Variants in ASAH2 observed in about 807,000 individuals in gnomAD.
ASAH2 encodes the protein N-acylsphingosine amidohydrolase 2.
ASAH2 carries 58 observed loss-of-function variants against 82.9 expected under a neutral mutation model. The ratio of observed to expected loss-of-function variants is 0.70; its 90% CI spans 0.57 to 0.87. The LOEUF (loss-of-function observed/expected upper bound fraction) is 0.87. Ranked by LOEUF, ASAH2 falls within the 40% of genes least tolerant of loss-of-function variation. The pLI, the probability that ASAH2 is intolerant of heterozygous loss-of-function variation, is 0.00. For missense variants in ASAH2, 779 were observed against 834.0 expected (o/e 0.93, Z 0.81); for synonymous variants, 276 against 289.7 (o/e 0.95, Z 0.48).
chr10:50,231,982 ATAGTTAAGGTCTAAGTGAATTAAGT>A (rs1846031838), intron 7 of ASAH2, among the ~76,000 whole-genome samples: 1 of 152,158 alleles, frequency 6.6e-6, no homozygotes, highest in Non-Finnish European at 1.5e-5. Context: ...TTCAAATAGG[ATAGTTAAGGTCTAAGTGAATTAAGT>A]TACTTTCTCC....
Position 50,204,654 on chromosome 10 carries a change from C to T in ASAH2, c.1625+207G>A, listed in dbSNP as rs1054307824. Among the ~76,000 whole-genome samples the T allele has an allele frequency of 4.6e-5, 7 of 151,674 alleles. No homozygotes were observed. In the East Asian group the frequency reaches 1.4e-3, roughly 29 times the overall value. On this transcript the variant is annotated intron_variant, in intron 14 of 20. Coordinates refer to ENST00000682911, the MANE Select transcript of ASAH2 (RefSeq NM_019893.4). ...AGTTTTTTTTAATTTTCATGTCTGC[C>T]TCAGGTGAGCCATCAATAATAAGCA...
intron 1 of ASAH2, among the ~76,000 whole-genome samples, chr10:50,250,178 A>C (rs1846579228): frequency 6.6e-6 from 1 of 152,166 alleles, no homozygotes; most frequent in African/African-American, 2.4e-5. Flanking sequence ...GATGGGGGAT[A>C]TATTCTTCAA....
intron 12 of ASAH2, 96 bp downstream of exon 12, chr10:50,210,727 T>A: frequency 8.8e-7 from 1 of 1,134,892 alleles, no homozygotes; most frequent in Non-Finnish European, 1.3e-6. Flanking sequence ...AGTTTAAAAA[T>A]TAATAAATGT....
rs1207518647 is a variant in ASAH2, at chr10:50,185,223, G to A, written c.*2092C>T. 1 of 150,768 alleles carries A rather than the reference G, an allele frequency of 6.6e-6. No individual in the cohort carries two copies. The highest frequency in any genetic ancestry group is 1.5e-5 in the Non-Finnish European group (1 of 67,598). The allele number at this position is 150,768 out of a possible 1,614,324, so 9.3% of individuals were successfully genotyped here. A position where few individuals can be genotyped will look rare whatever the true frequency, so the allele number is the denominator to read the frequency against. ...CAACAGATAAGTTCAATTACTTCAT[G>A]ATATTCTTTTATGCACAGGTAAAGA... On this transcript the variant is annotated 3_prime_UTR_variant, in exon 21 of 21. Transcript: ENST00000682911.
At chr10:50,200,959 C>T (rs2133199343) in intron 16 of ASAH2, among the ~76,000 whole-genome samples, 1 of 152,036 alleles carries the variant, frequency 6.6e-6, no homozygotes, top group African/African-American at 2.4e-5. Flanking sequence ...TCACTACGCC[C>T]CCCTATCCTG....
chr10:50,204,028 G>A (rs1845228816), intron 14 of ASAH2, among the ~76,000 whole-genome samples: 1 of 151,944 alleles, frequency 6.6e-6, no homozygotes, highest in African/African-American at 2.4e-5. Flanking sequence ...TACTGTATAA[G>A]TGTAATAAAG....
At chr10:50,234,678 G>A in intron 5 of ASAH2, 126 bp from the exon 6 acceptor site, 1 of 1,340,936 alleles carries the variant, frequency 7.5e-7, no homozygotes, top group South Asian at 1.2e-5. Flanking sequence ...CACATTACGG[G>A]ATAAAAGCTG....
At chr10:50,247,166 T>C (rs1245681919) in intron 2 of ASAH2, among the ~76,000 whole-genome samples, 3 of 152,034 alleles carry the variant, frequency 2.0e-5, no homozygotes, top group Non-Finnish European at 4.4e-5. Context: ...TTTCTTTTTT[T>C]TTTTTAAATG....
chr10:50,234,569 A>T lies in ASAH2; in HGVS notation c.688-17T>A, dbSNP rs1246336513. ...GTCAATGCTCTGAAGGTTAAAAAAGAGGGGGATGTTATAAGCTTAGAAATC... is the reference window on the plus strand; with the variant it reads ...GTCAATGCTCTGAAGGTTAAAAAAGTGGGGGATGTTATAAGCTTAGAAATC... On this transcript the variant is annotated splice_polypyrimidine_tract_variant and intron_variant, in intron 5 of 20. Transcript: ENST00000682911. 1.2e-6 allele frequency: 2 copies of T among 1,612,452 alleles called. No homozygotes were observed. Among genetic ancestry groups the T allele is most frequent in the Non-Finnish European group, 8.5e-7 (1 of 1,178,836 alleles).
At chr10:50,236,667 A>G (rs1405683313) in intron 4 of ASAH2, among the ~76,000 whole-genome samples, 1 of 152,190 alleles carries the variant, frequency 6.6e-6, no homozygotes, top group Non-Finnish European at 1.5e-5. Context: ...AATGCTAGGT[A>G]TGTTATATAT....
chr10:50,237,274 A>G (rs1315657539), intron 4 of ASAH2, among the ~76,000 whole-genome samples: 6 of 152,146 alleles, frequency 3.9e-5, no homozygotes, highest in Non-Finnish European at 7.4e-5. Context: ...AGGACACCCT[A>G]ATAATCCTGT....
chr10:50,210,754 C>T (rs891289857), intron 12 of ASAH2, 69 bp downstream of exon 12: 23 of 1,271,560 alleles, frequency 1.8e-5, no homozygotes, highest in Admixed American at 3.4e-5. Context: ...TACAATGAAA[C>T]CTGATCAGAG....
At chr10:50,230,831 A>G (rs1409125133) in intron 7 of ASAH2, among the ~76,000 whole-genome samples, 1 of 152,064 alleles carries the variant, frequency 6.6e-6, no homozygotes, top group Non-Finnish European at 1.5e-5. Context: ...ACTTGAGACC[A>G]GGAGTTTGAG....
Position 50,245,137 on chromosome 10 carries a change from T to C in ASAH2, c.360+85A>G, listed in dbSNP as rs993189289. On this transcript the variant is annotated intron_variant, in intron 3 of 20. Coordinates refer to ENST00000682911, the MANE Select transcript of ASAH2 (RefSeq NM_019893.4). ...AGCTAAAAGAAGATAATGATGATGT[T>C]GTAATAATCAGAAATGAATGCAGGT... is the stretch of plus-strand genomic sequence containing the variant. 4.4e-6 allele frequency: 5 copies of C among 1,130,576 alleles called. No individual in the cohort carries two copies. In the African/African-American group the frequency reaches 6.2e-5, roughly 14 times the overall value. 70.0% of individuals were successfully genotyped at this position (1,130,576 alleles called of 1,614,324 possible).
chr10:50,204,868 C>T lies in ASAH2; in HGVS notation c.1618G>A (p.Glu540Lys). The T allele has an allele frequency of 2.5e-6, 4 of 1,607,138 alleles. No homozygotes were observed. The highest frequency in any genetic ancestry group is 1.1e-5 in the South Asian group (1 of 90,412). ...ATAAAAAGAAAAACTTACGTAAACT[C>T]CCCGGGGATGGCAGTTATGGCCAAG... ...GSLAITAIPGEFTTMSGRRLR... is the reference protein window; with the variant it reads ...GSLAITAIPGKFTTMSGRRLR... The change falls in exon 14 of 21, where the codon GAG becomes AAG. Residue 540 changes from glutamate (E) to lysine (K), a missense_variant. Around this residue, in one of 3 missense-constraint regions of ASAH2, gnomAD observed 759 missense variants for 755.2 expected, o/e 1.00. Coordinates refer to ENST00000682911, the MANE Select transcript of ASAH2 (RefSeq NM_019893.4).
chr10:50,198,792 A>G (rs1362671073), intron 17 of ASAH2, among the ~76,000 whole-genome samples: 5 of 152,222 alleles, frequency 3.3e-5, no homozygotes, highest in African/African-American at 7.2e-5. Context: ...GTGAGAAAAT[A>G]TATATGAAAG....
intron 13 of ASAH2, among the ~76,000 whole-genome samples, chr10:50,205,550 C>T (rs965182268): frequency 0.019 from 2,817 of 152,008 alleles, 79 homozygotes; most frequent in African/African-American, 0.063. Flanking sequence ...ATATATGTTT[C>T]AAAGGAGTGT....
chr10:50,220,135 C>CA (rs1173649499), intron 7 of ASAH2, among the ~76,000 whole-genome samples: 2 of 151,880 alleles, frequency 1.3e-5, no homozygotes, highest in Admixed American at 6.6e-5. Context: ...AACAAACAAA[C>CA]AAAAAAAGAC....
intron 4 of ASAH2, among the ~76,000 whole-genome samples, chr10:50,240,784 C>A (rs2133230200): frequency 6.6e-6 from 1 of 152,318 alleles, no homozygotes; most frequent in Admixed American, 6.5e-5. Flanking sequence ...ACTCAAGTGT[C>A]ATTTCCACCA....
Sources: gnomAD v4.1 joint callset for allele counts (sites outside exome capture counted in the v4.1 genomes callset) on GRCh38, gnomAD v4.1.1 for gene constraint, gnomAD v4.1.1 regional missense constraint, MANE v1.5 for transcripts, NCBI Gene and HGNC (gene_info 2026-07-23, HGNC 2026-07-21) for gene names.